L1CAM: variants seen among roughly 807,000 people sequenced by gnomAD.
L1CAM encodes L1 cell adhesion molecule.
A neutral mutation model predicts 93.0 loss-of-function variants in L1CAM; 8 were observed. That is an observed-to-expected ratio of 0.09 (90% CI 0.05 to 0.16). The LOEUF (loss-of-function observed/expected upper bound fraction) is 0.16. L1CAM is among the 10% of genes least tolerant of loss of function. L1CAM has a pLI of 1.00. For missense variants in L1CAM, 777 were observed against 1,073.4 expected, an observed-to-expected ratio of 0.72 and a Z score of 3.86; for synonymous variants, 453 against 453.0, an observed-to-expected ratio of 1.00 and a Z score of 0.00.
intron 1 of L1CAM, among the ~76,000 whole-genome samples, chrX:153,881,622 T>C (rs1342655363): frequency 9.0e-6 from 1 of 111,630 alleles, no homozygotes; most frequent in East Asian, 2.8e-4. Context: ...GGCCAACTCC[T>C]TTCCCTTTTG....
intron 2 of L1CAM, 126 bp from the exon 3 acceptor site, chrX:153,873,368 G>A: frequency 1.4e-6 from 1 of 720,981 alleles, no homozygotes. Flanking sequence ...GGGAATGGCA[G>A]GAGAGGAGGC....
At position 153,875,932 on chromosome X, in the gene L1CAM, G is replaced by T; in HGVS notation, c.-96C>A. The T allele has an allele frequency of 1.4e-6, 1 of 708,903 alleles. No individual in the cohort carries two copies. Among genetic ancestry groups the T allele is most frequent in the Non-Finnish European group, 2.2e-6 (1 of 459,994 alleles). The allele number at this position is 708,903 out of a possible 1,213,427, so 58.4% of individuals were successfully genotyped here. The stretch of plus-strand genomic sequence containing the variant: ...TGGTGGGCGGCTTGGGGCGGGAGTT[G>T]GGAGTGGGGGCACTGGGAGAGGGGA... On this transcript the variant is annotated 5_prime_UTR_variant, in exon 2 of 29. Transcript: ENST00000370060.
chrX:153,871,130 T>C lies in L1CAM; in HGVS notation c.450A>G (p.Glu150=), dbSNP rs782596718. 1.6e-5 allele frequency: 19 copies of C among 1,206,970 alleles called. No homozygotes were observed. The highest frequency in any genetic ancestry group is 2.1e-5 in the Non-Finnish European group (19 of 893,821). ...KETVKPVEVE[E]GESVVLPCNP... ...TGCAAGGCAGAACCACTGACTCCCC[T>C]TCCTCCACCTCCACGGGCTTCACTG... is the stretch of plus-strand genomic sequence containing the variant. The change falls in exon 6 of 29, where the codon GAA becomes GAG. Residue 150 remains glutamate (E), a synonymous_variant. Transcript: ENST00000370060.
At chrX:153,865,866 G>A (rs782776834) in intron 19 of L1CAM, 47 bp from the exon 20 acceptor site, 21 of 902,422 alleles carry the variant, frequency 2.3e-5, no homozygotes, top group Non-Finnish European at 3.3e-5. Context: ...TCTCACCCCA[G>A]CCCTGAGGCC....
intron 1 of L1CAM, among the ~76,000 whole-genome samples, chrX:153,882,583 T>C (rs1200437160): frequency 9.2e-6 from 1 of 108,353 alleles, no homozygotes; most frequent in African/African-American, 3.4e-5. Flanking sequence ...AGATAGGAAG[T>C]CTGCCTGGCT....
Position 153,864,523 on chromosome X carries a change from G to C in L1CAM, c.3167-46C>G, listed in dbSNP as rs782289771. On this transcript the variant is annotated intron_variant, in intron 24 of 28. Transcript: ENST00000370060. ...CAGCAGGGGTGAGTCGGAGTGCCAG[G>C]CAACCCCTCTGGCCCAGAGCCCCCT... 7.5e-6 allele frequency: 9 copies of C among 1,206,464 alleles called. No homozygotes were observed. In the Admixed American group the frequency reaches 1.1e-4, roughly 15 times the overall value.
At chrX:153,882,753 C>T (rs1345358516) in intron 1 of L1CAM, among the ~76,000 whole-genome samples, 3 of 111,302 alleles carry the variant, frequency 2.7e-5, no homozygotes, top group Non-Finnish European at 5.7e-5. Flanking sequence ...CCCTGGCCCT[C>T]GCAGCTGCCC....
chrX:153,881,822 G>C (rs1400648779), intron 1 of L1CAM, among the ~76,000 whole-genome samples: 1 of 111,376 alleles, frequency 9.0e-6, no homozygotes, highest in Non-Finnish European at 1.9e-5. Flanking sequence ...AGGCGGCAAG[G>C]CTTCAGCCTC....
At position 153,868,957 on chromosome X, in the gene L1CAM, G is replaced by C. The variant is rs1328361627; in HGVS notation, c.1268-5C>G. 2 of 1,186,784 alleles carry C rather than the reference G, an allele frequency of 1.7e-6. No homozygotes were observed. Among genetic ancestry groups the C allele is most frequent in the African/African-American group, 3.5e-5 (2 of 56,862 alleles). Reference sequence around the variant, plus strand: ...TCAGGATCTTGGCTGGCAGCTCTAGGGGAGGAACAGCCTCAGGAGACAGGG... The same window carrying C: ...TCAGGATCTTGGCTGGCAGCTCTAGCGGAGGAACAGCCTCAGGAGACAGGG... On this transcript the variant is annotated splice_polypyrimidine_tract_variant and splice_region_variant and intron_variant, in intron 11 of 28. Coordinates refer to ENST00000370060, the MANE Select transcript of L1CAM (RefSeq NM_001278116.2).
chrX:153,870,503 C>A lies in L1CAM; in HGVS notation c.695-4G>T. ...TTCCTGTCAATCATGCTGTTGGCTG[C>A]CAGGAGAAAGTGGGTGGGTGGGCTG... On this transcript the variant is annotated splice_region_variant and splice_polypyrimidine_tract_variant and intron_variant, in intron 7 of 28. Transcript: ENST00000370060. The A allele has an allele frequency of 8.3e-7, 1 of 1,202,409 alleles. No homozygotes were observed. The highest frequency in any genetic ancestry group is 1.1e-6 in the Non-Finnish European group (1 of 887,028).
intron 19 of L1CAM, 34 bp downstream of exon 19, chrX:153,866,615 C>T: frequency 8.9e-7 from 1 of 1,123,523 alleles, no homozygotes; most frequent in Non-Finnish European, 1.2e-6. Context: ...CAGGCGAGCT[C>T]AACCGTGGGC....
At chrX:153,873,627 C>T in intron 2 of L1CAM, among the ~76,000 whole-genome samples, 1 of 112,588 alleles carries the variant, frequency 8.9e-6, no homozygotes, top group East Asian at 2.8e-4. Flanking sequence ...CTGACCCCAC[C>T]CATTCAGGAT....
intron 2 of L1CAM, among the ~76,000 whole-genome samples, chrX:153,874,617 G>T (rs1162375938): frequency 1.8e-5 from 2 of 112,007 alleles, no homozygotes; most frequent in African/African-American, 6.5e-5. Flanking sequence ...CCTCTCTCTC[G>T]CAGCCCCTGT....
rs782519494 is a variant in L1CAM at position 153,865,426 on chromosome X, G to A, written c.2622C>T (p.Pro874=). ...RHIHKDHVVV[P]ANTTSVILSG... is the part of the protein sequence containing the mutation. Reference sequence around the variant, plus strand: ...TGAGGATGACACTGGTGGTGTTGGCGGGCACCACCACATGGTCTTTGTGGA... The same window carrying A: ...TGAGGATGACACTGGTGGTGTTGGCAGGCACCACCACATGGTCTTTGTGGA... The change falls in exon 21 of 29, where the codon CCC becomes CCT. Residue 874 remains proline (P), a synonymous_variant. Coordinates refer to ENST00000370060, the MANE Select transcript of L1CAM (RefSeq NM_001278116.2). 1.4e-5 allele frequency: 17 copies of A among 1,208,034 alleles called. No individual in the cohort carries two copies. Among genetic ancestry groups the A allele is most frequent in the Non-Finnish European group, 1.8e-5 (16 of 893,393 alleles).
chrX:153,870,645 C>T, intron 7 of L1CAM, 145 bp downstream of exon 7: 1 of 798,261 alleles, frequency 1.3e-6, no homozygotes, highest in Non-Finnish European at 1.9e-6. Flanking sequence ...GCTCTCGACG[C>T]CTGGGAAGGG....
chrX:153,885,337 C>T (rs12156710), intron 1 of L1CAM: 292,681 of 965,710 alleles, frequency 0.3, 34,780 homozygotes, highest in East Asian at 0.69. Flanking sequence ...ACCGACCTCA[C>T]CCACTCCAGC....
At chrX:153,874,674 G>A (rs1309534326) in intron 2 of L1CAM, among the ~76,000 whole-genome samples, 1 of 112,116 alleles carries the variant, frequency 8.9e-6, no homozygotes, top group Non-Finnish European at 1.9e-5. Flanking sequence ...CCGCCAACTC[G>A]TCTCTCAGTG....
chrX:153,884,034 C>G (rs1557096359), intron 1 of L1CAM: 1 of 374,810 alleles, frequency 2.7e-6, no homozygotes, highest in Admixed American at 3.1e-5. Flanking sequence ...ACAATCTGGG[C>G]ACCCTGCTCA....
chrX:153,879,842 C>T (rs372091558), intron 1 of L1CAM, among the ~76,000 whole-genome samples: 99 of 112,135 alleles, frequency 8.8e-4, no homozygotes, highest in African/African-American at 3.0e-3. Flanking sequence ...TTGCTGCTGG[C>T]TGGGAGTAAG....
Sources: gnomAD v4.1 joint callset for allele counts (sites outside exome capture counted in the v4.1 genomes callset) on GRCh38, gnomAD v4.1.1 for gene constraint, MANE v1.5 for transcripts, NCBI Gene and HGNC (gene_info 2026-07-23, HGNC 2026-07-21) for gene names.